Variants in TMTC2 observed in about 807,000 individuals in gnomAD.
TMTC2 encodes transmembrane O-mannosyltransferase targeting cadherins 2, also known as protein O-mannosyl-transferase TMTC2.
A neutral mutation model predicts 82.4 loss-of-function variants in TMTC2; 43 were observed. That is an observed-to-expected ratio of 0.52 (90% CI 0.41 to 0.67). The LOEUF is 0.67. Among genes scored for constraint, TMTC2 ranks in the 30% least tolerant of loss-of-function variants. TMTC2 has a pLI of 0.00. For missense variants in TMTC2, 919 were observed against 1,012.4 expected (o/e 0.91, Z 1.25); for synonymous variants, 408 against 381.9 (o/e 1.07, Z -0.80).
intron 4 of TMTC2, among the ~76,000 whole-genome samples, chr12:82,953,382 A>G (rs1379244371): frequency 6.6e-6 from 1 of 152,200 alleles, no homozygotes; most frequent in Non-Finnish European, 1.5e-5. Flanking sequence ...ACTTATTTAC[A>G]GTAAGTGAAT....
At position 83,115,510 on chromosome 12, in the gene TMTC2, A is replaced by G. The variant is rs79254095; in HGVS notation, c.2332-16700A>G. On this transcript the variant is annotated intron_variant, in intron 11 of 11. Coordinates refer to ENST00000321196, the MANE Select transcript of TMTC2 (RefSeq NM_152588.3). ...TTTGAGACATCAGATATCTTCTTAT[A>G]TAGAACTTTTATTTAGCAGTTTTAC... Among the ~76,000 whole-genome samples the G allele has an allele frequency of 9.2e-3, 1,405 of 152,270 alleles. 22 individuals are homozygous for G. The highest frequency in any genetic ancestry group is 0.032 in the African/African-American group (1,350 of 41,548).
chr12:83,132,230 C>G lies in TMTC2; in HGVS notation c.2352C>G (p.Asn784Lys). 1 of 1,611,910 alleles carries G rather than the reference C, an allele frequency of 6.2e-7. No individual in the cohort carries two copies. The highest frequency in any genetic ancestry group is 8.5e-7 in the Non-Finnish European group (1 of 1,179,214). ...LRPNYPAALM[N>K]LGAILHLNGR... is the part of the protein sequence containing the mutation. Reference sequence around the variant, plus strand: ...TGCAGTATCCGGCTGCTTTGATGAACCTGGGAGCCATTCTGCACCTCAATG... The same window carrying G: ...TGCAGTATCCGGCTGCTTTGATGAAGCTGGGAGCCATTCTGCACCTCAATG... Residue 784 changes from asparagine to lysine, a missense_variant, in exon 12 of 12, where the codon AAC becomes AAG. Physicochemically the swap from Asn to Lys is moderately conservative, Grantham distance 94 (BLOSUM62 0). Coordinates refer to ENST00000321196, the MANE Select transcript of TMTC2 (RefSeq NM_152588.3).
At chr12:82,951,651 T>G (rs974804936) in intron 4 of TMTC2, among the ~76,000 whole-genome samples, 3 of 152,194 alleles carry the variant, frequency 2.0e-5, no homozygotes, top group African/African-American at 7.2e-5. Flanking sequence ...AGGGTACATC[T>G]TTTAATTTTG....
rs191193686 is a variant in TMTC2, at chr12:83,027,457, C to A, written c.2071-3341C>A. ...AACTTTAACAAAGCAAAAGGATGTA[C>A]AGCAGGTCCTTGAAATAACATTGTT... On this transcript the variant is annotated intron_variant, in intron 8 of 11. Coordinates refer to ENST00000321196, the MANE Select transcript of TMTC2 (RefSeq NM_152588.3). Among the ~76,000 whole-genome samples the A allele has an allele frequency of 3.5e-3, 528 of 152,172 alleles. 1 individual carries two copies. The highest frequency in any genetic ancestry group is 5.4e-3 in the Non-Finnish European group (368 of 68,012).
In TMTC2 at chr12:82,778,051, A is replaced by G. The variant is rs574223089; in HGVS notation, c.84-78959A>G. 4.7e-5 allele frequency among the ~76,000 whole-genome samples: 7 copies of G among 150,096 alleles called. No individual in the cohort carries two copies. In the South Asian group the frequency reaches 6.3e-4, roughly 14 times the overall value. On this transcript the variant is annotated intron_variant, in intron 1 of 11. Coordinates refer to ENST00000321196, the MANE Select transcript of TMTC2 (RefSeq NM_152588.3). ...ATACAAGGATTAAATTTGGTCATAT[A>G]TAAAGATTACTCTTCGCATTGTAAA...
At chr12:82,786,520 G>A (rs1878181718) in intron 1 of TMTC2, among the ~76,000 whole-genome samples, 1 of 152,060 alleles carries the variant, frequency 6.6e-6, no homozygotes, top group Non-Finnish European at 1.5e-5. Context: ...TACTTCTCCG[G>A]CTGGTATTTT....
intron 2 of TMTC2, among the ~76,000 whole-genome samples, chr12:82,866,300 C>A (rs149616170): frequency 3.3e-5 from 5 of 150,270 alleles, no homozygotes; most frequent in African/African-American, 1.2e-4. Context: ...CTTCTCCCAA[C>A]CTTGATGAAC....
chr12:83,045,751 A>ACACACACACACACACACACACT (rs1565867415), intron 9 of TMTC2, among the ~76,000 whole-genome samples: 1 of 138,100 alleles, frequency 7.2e-6, no homozygotes. Context: ...ACACACACAC[A>ACACACACACACACACACACACT]CCAGGAGTGT....
chr12:82,793,373 T>TC (rs1186005756), intron 1 of TMTC2, among the ~76,000 whole-genome samples: 2 of 151,554 alleles, frequency 1.3e-5, no homozygotes, highest in African/African-American at 2.4e-5. Context: ...TTTTTCTTTT[T>TC]TTTTTTTTCA....
At chr12:83,086,220 G>A (rs1883653535) in intron 11 of TMTC2, among the ~76,000 whole-genome samples, 1 of 151,558 alleles carries the variant, frequency 6.6e-6, no homozygotes, top group Admixed American at 6.6e-5. Flanking sequence ...GGGGCGGCCA[G>A]GCAGAGGCGC....
intron 8 of TMTC2, among the ~76,000 whole-genome samples, chr12:82,997,412 G>GTATATATATATATGTGTGTATATA (rs1555204079): frequency 2.8e-5 from 1 of 35,246 alleles, no homozygotes; most frequent in African/African-American, 6.8e-5. Flanking sequence ...ATATATATGT[G>GTATATATATATATGTGTGTATATA]TATATATATA....
intron 11 of TMTC2, among the ~76,000 whole-genome samples, chr12:83,112,632 C>T (rs1387129039): frequency 3.3e-5 from 5 of 152,200 alleles, no homozygotes; most frequent in South Asian, 2.1e-4. Flanking sequence ...TCATAAGATA[C>T]GTTATCTTAA....
At chr12:83,019,828 C>T (rs1880833985) in intron 8 of TMTC2, among the ~76,000 whole-genome samples, 1 of 152,088 alleles carries the variant, frequency 6.6e-6, no homozygotes, top group African/African-American at 2.4e-5. Flanking sequence ...ATCCTCAGTA[C>T]CCTCAGAGTG....
intron 1 of TMTC2, among the ~76,000 whole-genome samples, chr12:82,834,079 A>G (rs1349900893): frequency 6.6e-6 from 1 of 152,218 alleles, no homozygotes; most frequent in African/African-American, 2.4e-5. Context: ...AAGAATTACT[A>G]CTAGAAATAT....
chr12:82,765,522 A>G (rs987447885), intron 1 of TMTC2, among the ~76,000 whole-genome samples: 4 of 152,108 alleles, frequency 2.6e-5, no homozygotes. Flanking sequence ...TACAAATACA[A>G]AATTAGCTGG....
In TMTC2 at chr12:82,775,853, C is replaced by A. The variant is rs186381852; in HGVS notation, c.84-81157C>A. 3.9e-3 allele frequency among the ~76,000 whole-genome samples: 588 copies of A among 152,106 alleles called. 5 individuals carry two copies. Among genetic ancestry groups the A allele is most frequent in the Non-Finnish European group, 6.6e-3 (448 of 67,980 alleles). On this transcript the variant is annotated intron_variant, in intron 1 of 11. Transcript: ENST00000321196. ...AAATTCTGCTCAGTTTCCTTTTATGCTTCGTTTGATTTTTTCTCTGACACA... is the reference window on the plus strand; with the variant it reads ...AAATTCTGCTCAGTTTCCTTTTATGATTCGTTTGATTTTTTCTCTGACACA...
chr12:83,063,049 A>G (rs1882798178), intron 11 of TMTC2, among the ~76,000 whole-genome samples: 2 of 152,012 alleles, frequency 1.3e-5, no homozygotes, highest in African/African-American at 2.4e-5. Flanking sequence ...TTTACCTGAT[A>G]TGGGAGCCTT....
At chr12:83,100,744 C>A (rs1884190461) in intron 11 of TMTC2, among the ~76,000 whole-genome samples, 1 of 152,004 alleles carries the variant, frequency 6.6e-6, no homozygotes, top group African/African-American at 2.4e-5. Flanking sequence ...GGCCTATTCT[C>A]TGTTTTACTT....
At chr12:83,017,948 GAA>G (rs1469557849) in intron 8 of TMTC2, among the ~76,000 whole-genome samples, 1 of 137,128 alleles carries the variant, frequency 7.3e-6, no homozygotes, top group East Asian at 2.1e-4. Context: ...AATCATCAGA[GAA>G]TTTAGTGTCT....
Sources: allele counts gnomAD v4.1 joint callset (sites outside exome capture counted in the v4.1 genomes callset), GRCh38; gene constraint gnomAD v4.1.1; transcripts MANE v1.5; gene names NCBI Gene and HGNC (gene_info 2026-07-23, HGNC 2026-07-21).